The following PTPRD variants were observed in gnomAD, a reference collection of about 807,000 sequenced individuals.
The protein encoded by PTPRD is protein tyrosine phosphatase receptor type D, also known as receptor-type tyrosine-protein phosphatase delta.
A neutral mutation model predicts 214.5 loss-of-function variants in PTPRD; 34 were observed. The observed-to-expected ratio is 0.16, with a 90% CI of 0.12 to 0.21. The LOEUF (loss-of-function observed/expected upper bound fraction) is 0.21, where lower values mean the gene tolerates loss of function less well. Among genes scored for constraint, PTPRD ranks in the 10% least tolerant of loss-of-function variants. PTPRD has a pLI of 1.00. For missense variants in PTPRD, 2,545 were observed against 2,398.7 expected, an observed-to-expected ratio of 1.06 and a Z score of -1.27; for synonymous variants, 1,128 against 845.7, an observed-to-expected ratio of 1.33 and a Z score of -5.79.
chr9:9,003,756 T>A (rs1427484899), intron 11 of PTPRD, among the ~76,000 whole-genome samples: 1 of 152,076 alleles, frequency 6.6e-6, no homozygotes, highest in Non-Finnish European at 1.5e-5. Flanking sequence ...CGAACTGGCC[T>A]GTGATAGCTG....
intron 11 of PTPRD, among the ~76,000 whole-genome samples, chr9:8,777,190 G>A (rs974603891): frequency 4.0e-5 from 6 of 151,884 alleles, no homozygotes; most frequent in Non-Finnish European, 5.9e-5. Flanking sequence ...ATGTTGCCCA[G>A]GCTGATCTTG....
chr9:10,256,694 C>G lies in PTPRD; in HGVS notation c.-545+84269G>C, dbSNP rs75403626. Among the ~76,000 whole-genome samples the G allele has an allele frequency of 1.9e-4, 29 of 152,278 alleles. No individual in the cohort carries two copies. In the East Asian group the frequency reaches 5.6e-3, roughly 29 times the overall value. On this transcript the variant is annotated intron_variant, in intron 3 of 45. Transcript: ENST00000381196. Reference sequence around the variant, plus strand: ...TCCGTCCCATTAAAGTCTTAAGTGACTGCCTTTGCCACTAACGTGTAGGAT... The same window carrying G: ...TCCGTCCCATTAAAGTCTTAAGTGAGTGCCTTTGCCACTAACGTGTAGGAT...
At chr9:10,473,830 G>GT (rs2099046428) in intron 2 of PTPRD, among the ~76,000 whole-genome samples, 1 of 151,966 alleles carries the variant, frequency 6.6e-6, no homozygotes, top group African/African-American at 2.4e-5. Flanking sequence ...TTGCCCCATT[G>GT]TTTTTATAAA....
chr9:9,950,942 G>A (rs1207237287), intron 4 of PTPRD, among the ~76,000 whole-genome samples: 1 of 152,090 alleles, frequency 6.6e-6, no homozygotes, highest in African/African-American at 2.4e-5. Flanking sequence ...TTTGAAATCA[G>A]GCATAGCAGC....
chr9:9,539,122 T>A (rs535846187), intron 8 of PTPRD, among the ~76,000 whole-genome samples: 1 of 151,798 alleles, frequency 6.6e-6, no homozygotes, highest in Non-Finnish European at 1.5e-5. Context: ...AATAAAATAA[T>A]AGCAATGGGT....
intron 11 of PTPRD, among the ~76,000 whole-genome samples, chr9:8,883,487 A>G (rs2098463088): frequency 6.6e-6 from 1 of 152,340 alleles, no homozygotes; most frequent in South Asian, 2.1e-4. Context: ...AAAATTGAAC[A>G]AAGGGCACAG....
intron 39 of PTPRD, among the ~76,000 whole-genome samples, chr9:8,366,908 C>T (rs562008174): frequency 9.2e-5 from 14 of 152,330 alleles, no homozygotes; most frequent in South Asian, 2.1e-4. Context: ...TTTAATGCAA[C>T]GCTGCCATGG....
intron 2 of PTPRD, among the ~76,000 whole-genome samples, chr9:10,550,795 G>A (rs1482494310): frequency 6.6e-6 from 1 of 152,146 alleles, no homozygotes; most frequent in African/African-American, 2.4e-5. Context: ...GAAATTGGTT[G>A]GGCAAAAGAA....
chr9:8,951,598 G>A (rs1384918560), intron 11 of PTPRD, among the ~76,000 whole-genome samples: 2 of 151,860 alleles, frequency 1.3e-5, no homozygotes, highest in Middle Eastern at 3.2e-3. Flanking sequence ...TATGTCTAAT[G>A]TTCTTTATTG....
chr9:8,825,126 T>C (rs2097150129), intron 11 of PTPRD, among the ~76,000 whole-genome samples: 1 of 152,340 alleles, frequency 6.6e-6, no homozygotes, highest in Admixed American at 6.5e-5. Context: ...GTAAATTTCT[T>C]TCTTTTTGAG....
rs867659818 is a variant in PTPRD at position 9,425,426 on chromosome 9, A to G, written c.-236-27944T>C. ...ATAATATAAAATATATAATATTATAATATCTTATACATTATATAATTTATA... is the reference window on the plus strand; with the variant it reads ...ATAATATAAAATATATAATATTATAGTATCTTATACATTATATAATTTATA... On this transcript the variant is annotated intron_variant, in intron 8 of 45. Transcript: ENST00000381196. 1.1e-3 allele frequency among the ~76,000 whole-genome samples: 156 copies of G among 146,688 alleles called. 1 individual carries two copies. The highest frequency in any genetic ancestry group is 3.7e-3 in the African/African-American group (149 of 40,554).
chr9:8,547,277 C>T (rs2080461062), intron 14 of PTPRD, among the ~76,000 whole-genome samples: 1 of 151,958 alleles, frequency 6.6e-6, no homozygotes, highest in African/African-American at 2.4e-5. Flanking sequence ...TTAAAGTGAG[C>T]TTACCAGAAA....
intron 33 of PTPRD, among the ~76,000 whole-genome samples, chr9:8,450,400 C>T (rs929567877): frequency 3.3e-5 from 5 of 151,940 alleles, no homozygotes; most frequent in Non-Finnish European, 4.4e-5. Context: ...TAATCGGGAC[C>T]AGGTAAAACA....
chr9:10,119,712 C>T (rs4629932), intron 3 of PTPRD, among the ~76,000 whole-genome samples: 20,155 of 151,798 alleles, frequency 0.13, 1,408 homozygotes, highest in South Asian at 0.28. Context: ...TGATGTGTTC[C>T]ACAGCAAGAA....
intron 7 of PTPRD, among the ~76,000 whole-genome samples, chr9:9,667,333 C>A (rs2096743012): frequency 6.6e-6 from 1 of 152,040 alleles, no homozygotes; most frequent in South Asian, 2.1e-4. Flanking sequence ...CCCCTCTCAT[C>A]CTCACTTTCC....
At chr9:8,929,795 G>GTGTATATATA (rs2098935069) in intron 11 of PTPRD, among the ~76,000 whole-genome samples, 2 of 112,676 alleles carry the variant, frequency 1.8e-5, no homozygotes, top group Non-Finnish European at 3.5e-5. Flanking sequence ...GTATATATGT[G>GTGTATATATA]TGTGTATATA....
At chr9:9,564,206 T>A (rs2083714380) in intron 8 of PTPRD, among the ~76,000 whole-genome samples, 1 of 152,134 alleles carries the variant, frequency 6.6e-6, no homozygotes, top group Admixed American at 6.6e-5. Flanking sequence ...TGTAGATCCT[T>A]ATTCATTTAA....
At chr9:10,232,871 C>T (rs1453551953) in intron 3 of PTPRD, among the ~76,000 whole-genome samples, 1 of 151,952 alleles carries the variant, frequency 6.6e-6, no homozygotes, top group Non-Finnish European at 1.5e-5. Flanking sequence ...GTCAACTATG[C>T]CATACGTTTT....
At chr9:9,691,439 A>G (rs1205038680) in intron 7 of PTPRD, among the ~76,000 whole-genome samples, 2 of 152,046 alleles carry the variant, frequency 1.3e-5, no homozygotes, top group East Asian at 3.8e-4. Context: ...CTCCAGTTCT[A>G]TCCATGTTGT....
Sources: gnomAD v4.1 joint callset for allele counts (sites outside exome capture counted in the v4.1 genomes callset) on GRCh38, gnomAD v4.1.1 for gene constraint, MANE v1.5 for transcripts, NCBI Gene and HGNC (gene_info 2026-07-23, HGNC 2026-07-21) for gene names.